ADARB2: variants seen among roughly 807,000 people sequenced by gnomAD.
ADARB2 encodes the protein inactive double-stranded RNA-specific editase B2.
In ADARB2, 25 loss-of-function variants were observed where a neutral mutation model predicts 62.2. The observed-to-expected ratio is 0.40, with a 90% CI of 0.29 to 0.56. The LOEUF is 0.56. Among genes scored for constraint, ADARB2 ranks in the 20% least tolerant of loss-of-function variants. The pLI is 0.43. For missense variants in ADARB2, 1,071 were observed against 1,077.4 expected (o/e 0.99, Z 0.08); for synonymous variants, 572 against 500.8 (o/e 1.14, Z -1.90).
chr10:1,213,403 G>A (rs528089786), intron 7 of ADARB2, among the ~76,000 whole-genome samples: 1 of 152,270 alleles, frequency 6.6e-6, no homozygotes, highest in East Asian at 1.9e-4. Context: ...TAAGACAGGA[G>A]AGAACCAGTA....
chr10:1,226,875 C>G (rs1484721591), intron 6 of ADARB2, among the ~76,000 whole-genome samples: 1 of 117,360 alleles, frequency 8.5e-6, no homozygotes, highest in Non-Finnish European at 1.9e-5. Context: ...GGCAGTCCAC[C>G]CGATCTCAGC....
intron 1 of ADARB2, among the ~76,000 whole-genome samples, chr10:1,555,354 T>G (rs573988367): frequency 1.8e-3 from 278 of 152,358 alleles, no homozygotes; most frequent in South Asian, 9.3e-3. Flanking sequence ...GTGTTCCCTT[T>G]TCTCTGCAAC....
intron 1 of ADARB2, among the ~76,000 whole-genome samples, chr10:1,656,329 T>C (rs569426227): frequency 1.1e-3 from 173 of 152,308 alleles, no homozygotes; most frequent in African/African-American, 4.1e-3. Flanking sequence ...CCACCAGGAA[T>C]CCCTGCCAGC....
chr10:1,201,386 A>G (rs953828020), intron 7 of ADARB2, among the ~76,000 whole-genome samples: 1 of 152,236 alleles, frequency 6.6e-6, no homozygotes, highest in Admixed American at 6.5e-5. Context: ...TTTATGAAAC[A>G]TTTACTTCAG....
intron 1 of ADARB2, among the ~76,000 whole-genome samples, chr10:1,543,894 A>C (rs1832476029): frequency 6.6e-6 from 1 of 152,026 alleles, no homozygotes; most frequent in Middle Eastern, 3.4e-3. Context: ...CCATCAAGTC[A>C]ATTTTGTCTG....
rs150624544 is a variant in ADARB2 at position 1,717,435 on chromosome 10, C to T, written c.100+19616G>A. Among the ~76,000 whole-genome samples, 941 of 151,820 alleles carry T rather than the reference C, an allele frequency of 6.2e-3. 4 individuals carry two copies. The highest frequency in any genetic ancestry group is 9.3e-3 in the Non-Finnish European group (632 of 67,920). On this transcript the variant is annotated intron_variant, in intron 1 of 9. Transcript: ENST00000381312. ...CGGGTCCTCACTCTCAGACCCTGCG[C>T]GAGAAGGGACTCCAGTCTCTTTCTT...
Position 1,242,130 on chromosome 10 carries a change from C to T in ADARB2, c.1361+1G>A. ...CCTGGAGCCCGTCCCCAGCCGCTCA[C>T]CTCAGGTGCAGCTCCAGCTGCGTGT... On this transcript the variant is annotated splice_donor_variant, in intron 5 of 9. Coordinates refer to ENST00000381312, the MANE Select transcript of ADARB2 (RefSeq NM_018702.4). LOFTEE classifies it high-confidence loss of function. 6.2e-7 allele frequency: 1 copy of T among 1,603,612 alleles called. No homozygotes were observed. Among genetic ancestry groups the T allele is most frequent in the Non-Finnish European group, 8.5e-7 (1 of 1,177,238 alleles).
chr10:1,317,963 G>A (rs1025332202), intron 3 of ADARB2, among the ~76,000 whole-genome samples: 3 of 152,266 alleles, frequency 2.0e-5, no homozygotes, highest in East Asian at 3.9e-4. Flanking sequence ...CTCAATCCCC[G>A]GTGTGAGTGC....
At position 1,353,309 on chromosome 10, in the gene ADARB2, C is replaced by G. The variant is rs376109225; in HGVS notation, c.1077+9719G>C. Among the ~76,000 whole-genome samples the G allele has an allele frequency of 1.4e-4, 21 of 152,284 alleles. No homozygotes were observed. The East Asian group carries it at 3.5e-3, about 25-fold the overall frequency. ...ATCTCCACCACACTATCAACCTTACCCATTCTCTCCTAGCCGCTTCTAATC... is the reference window on the plus strand; with the variant it reads ...ATCTCCACCACACTATCAACCTTACGCATTCTCTCCTAGCCGCTTCTAATC... On this transcript the variant is annotated intron_variant, in intron 3 of 9. Transcript: ENST00000381312.
intron 1 of ADARB2, among the ~76,000 whole-genome samples, chr10:1,429,357 C>T (rs142957766): frequency 6.6e-6 from 1 of 152,248 alleles, no homozygotes; most frequent in East Asian, 1.9e-4. Context: ...ACTTGCCTTC[C>T]GTAGGATAAA....
intron 1 of ADARB2, among the ~76,000 whole-genome samples, chr10:1,658,381 G>A (rs1479925949): frequency 6.7e-6 from 1 of 149,974 alleles, no homozygotes; most frequent in Non-Finnish European, 1.5e-5. Context: ...GTCTCTCTGT[G>A]TATCTCTTGT....
At chr10:1,575,435 T>A (rs1832997634) in intron 1 of ADARB2, among the ~76,000 whole-genome samples, 1 of 151,468 alleles carries the variant, frequency 6.6e-6, no homozygotes, top group Non-Finnish European at 1.5e-5. Flanking sequence ...ATAATGGGTC[T>A]TAAAGATGCC....
chr10:1,716,512 G>A (rs72766799), intron 1 of ADARB2, among the ~76,000 whole-genome samples: 1 of 152,286 alleles, frequency 6.6e-6, no homozygotes, highest in Non-Finnish European at 1.5e-5. Flanking sequence ...CTAATATTAA[G>A]TGAGGCATTA....
rs766951441 is a variant in ADARB2 at position 1,233,888 on chromosome 10, A to G, written c.1362-43T>C. 33 of 1,589,356 alleles carry G rather than the reference A, an allele frequency of 2.1e-5. No individual in the cohort carries two copies. In the African/African-American group the frequency reaches 4.0e-4, roughly 19 times the overall value. On this transcript the variant is annotated intron_variant, in intron 5 of 9. Transcript: ENST00000381312. ...TTTGGGGTCATTTATCACAAACCAA[A>G]CCAGAAATGTTCCAACCAGGTGAAC...
intron 6 of ADARB2, among the ~76,000 whole-genome samples, chr10:1,220,288 G>A (rs1001724663): frequency 1.2e-4 from 16 of 135,914 alleles, no homozygotes; most frequent in Middle Eastern, 4.1e-3. Context: ...AATGGTGATG[G>A]TGGTGGTGAT....
rs1334071875 is a variant in ADARB2, at chr10:1,546,828, G to A, written c.101-167668C>T. The stretch of plus-strand genomic sequence containing the variant: ...GCCCTGACAAACGACTCCCTGCAAA[G>A]CCGGATAAGCCCTCTGCATCCATCG... On this transcript the variant is annotated intron_variant, in intron 1 of 9. Coordinates refer to ENST00000381312, the MANE Select transcript of ADARB2 (RefSeq NM_018702.4). 2.6e-5 allele frequency among the ~76,000 whole-genome samples: 4 copies of A among 152,386 alleles called. No individual in the cohort carries two copies. In the East Asian group the frequency reaches 7.7e-4, roughly 29 times the overall value.
At chr10:1,401,426 C>T (rs1832661531) in intron 1 of ADARB2, among the ~76,000 whole-genome samples, 1 of 152,194 alleles carries the variant, frequency 6.6e-6, no homozygotes, top group African/African-American at 2.4e-5. Flanking sequence ...GGTTTCACAG[C>T]ACACGGGTAC....
At chr10:1,413,732 T>G (rs895485025) in intron 1 of ADARB2, among the ~76,000 whole-genome samples, 1 of 152,230 alleles carries the variant, frequency 6.6e-6, no homozygotes, top group Non-Finnish European at 1.5e-5. Context: ...TCTTACAGAC[T>G]GAGCGCTGAT....
chr10:1,603,275 C>T (rs2132016162), intron 1 of ADARB2, among the ~76,000 whole-genome samples: 1 of 152,344 alleles, frequency 6.6e-6, no homozygotes, highest in African/African-American at 2.4e-5. Context: ...GACAGCAGGG[C>T]TGTGTCAGGG....
Sources: gnomAD v4.1 joint callset for allele counts (sites outside exome capture counted in the v4.1 genomes callset) on GRCh38, gnomAD v4.1.1 for gene constraint, MANE v1.5 for transcripts, NCBI Gene and HGNC (gene_info 2026-07-23, HGNC 2026-07-21) for gene names.